The following STARD3NL variants were observed in gnomAD, a reference collection of about 807,000 sequenced individuals.
The protein encoded by STARD3NL is STARD3 N-terminal-like protein.
A neutral mutation model predicts 30.9 loss-of-function variants in STARD3NL; 17 were observed. That is an observed-to-expected ratio of 0.55 (90% CI 0.38 to 0.82). The LOEUF (loss-of-function observed/expected upper bound fraction) is 0.82, where lower values mean the gene tolerates loss of function less well. STARD3NL is among the 40% of genes least tolerant of loss of function. The pLI is 0.00. For synonymous variants in STARD3NL, 112 were observed against 100.5 expected, an observed-to-expected ratio of 1.11 and a Z score of -0.69; for missense variants, 234 against 277.6, an observed-to-expected ratio of 0.84 and a Z score of 1.12.
chr7:38,178,954 A>G (rs1355259867), intron 1 of STARD3NL: 1 of 151,780 alleles, frequency 6.6e-6, no homozygotes, highest in Non-Finnish European at 1.5e-5. Context: ...ATATCTCGCC[A>G]TTGTTTGAAA....
chr7:38,186,428 T>C (rs1229731398), intron 1 of STARD3NL, among the ~76,000 whole-genome samples: 1 of 152,200 alleles, frequency 6.6e-6, no homozygotes, highest in Non-Finnish European at 1.5e-5. Context: ...AGTGACCTTA[T>C]TAGTCTCCTA....
At chr7:38,225,482 G>T (rs1378763722) in intron 7 of STARD3NL, among the ~76,000 whole-genome samples, 1 of 152,090 alleles carries the variant, frequency 6.6e-6, no homozygotes, top group Non-Finnish European at 1.5e-5. Flanking sequence ...TTTCAATTAA[G>T]ATTACAATAC....
intron 2 of STARD3NL, among the ~76,000 whole-genome samples, chr7:38,213,907 G>A (rs1785950718): frequency 6.6e-6 from 1 of 152,208 alleles, no homozygotes; most frequent in Non-Finnish European, 1.5e-5. Context: ...TCTATCCTGT[G>A]TCATGCTAAT....
At position 38,185,401 on chromosome 7, in the gene STARD3NL, A is replaced by G. The variant is rs111354793; in HGVS notation, c.-59+6981A>G. On this transcript the variant is annotated intron_variant, in intron 1 of 8. Transcript: ENST00000009041. ...TATATCACATCATAGGAGATAACAT[A>G]TGTAACTTCTGCCTGTTGATAGATA... 2.6e-3 allele frequency among the ~76,000 whole-genome samples: 395 copies of G among 152,278 alleles called. 4 individuals are homozygous for G. Among genetic ancestry groups the G allele is most frequent in the African/African-American group, 9.1e-3 (379 of 41,554 alleles).
Position 38,178,372 on chromosome 7 carries a change from G to C in STARD3NL, c.-107G>C, listed in dbSNP as rs1440370318. On this transcript the variant is annotated 5_prime_UTR_variant, in exon 1 of 9. Coordinates refer to ENST00000009041, the MANE Select transcript of STARD3NL (RefSeq NM_032016.4). ...CAGGCCGGGGCGCGACCGCGGATCC[G>C]CAGTTCCCGGGCCAGCCTGGGGCGG... 1 of 152,192 alleles carries C rather than the reference G, an allele frequency of 6.6e-6. No individual in the cohort carries two copies. The highest frequency in any genetic ancestry group is 1.5e-5 in the Non-Finnish European group (1 of 68,044). The allele number at this position is 152,192 out of a possible 1,614,324, so 9.4% of individuals were successfully genotyped here. A position where few individuals can be genotyped will look rare whatever the true frequency, so the allele number is the denominator to read the frequency against.
chr7:38,230,538 T>C lies in STARD3NL; in HGVS notation c.*633T>C, dbSNP rs1787040558. On this transcript the variant is annotated 3_prime_UTR_variant, in exon 9 of 9. Transcript: ENST00000009041. ...CCAGACATTTGTATTATTTTTATCA[T>C]GAAATCATGTTTTTCTCTGATTGTT... The C allele has an allele frequency of 6.6e-6, 1 of 152,278 alleles. No homozygotes were observed. The highest frequency in any genetic ancestry group is 1.5e-5 in the Non-Finnish European group (1 of 68,050). The allele number at this position is 152,278 out of a possible 1,614,324, so 9.4% of individuals were successfully genotyped here.
chr7:38,182,471 G>C (rs568057342), intron 1 of STARD3NL, among the ~76,000 whole-genome samples: 4 of 152,180 alleles, frequency 2.6e-5, no homozygotes, highest in Non-Finnish European at 5.9e-5. Flanking sequence ...CTAGCCCTGT[G>C]TTACTTGCAG....
At chr7:38,216,953 C>G in intron 4 of STARD3NL, 72 bp from the exon 5 acceptor site, 1 of 1,568,566 alleles carries the variant, frequency 6.4e-7, no homozygotes, top group Admixed American at 1.7e-5. Flanking sequence ...AGACGGGTCT[C>G]TTGTGAAGAG....
chr7:38,183,679 G>A (rs10233340), intron 1 of STARD3NL, among the ~76,000 whole-genome samples: 64,479 of 151,980 alleles, frequency 0.42, 14,037 homozygotes, highest in East Asian at 0.5. Flanking sequence ...CATTGTAAAT[G>A]AAATTAACTG....
chr7:38,221,139 A>C (rs922133106), intron 7 of STARD3NL, among the ~76,000 whole-genome samples: 3 of 152,214 alleles, frequency 2.0e-5, no homozygotes, highest in African/African-American at 7.2e-5. Flanking sequence ...GCATAGATGA[A>C]CTGAATGCAC....
At chr7:38,192,256 T>A (rs570612383) in intron 1 of STARD3NL, among the ~76,000 whole-genome samples, 1 of 152,042 alleles carries the variant, frequency 6.6e-6, no homozygotes, top group East Asian at 1.9e-4. Context: ...CACAAAATCA[T>A]AAAAGTGAGC....
At chr7:38,191,869 G>A (rs1316085283) in intron 1 of STARD3NL, among the ~76,000 whole-genome samples, 1 of 150,936 alleles carries the variant, frequency 6.6e-6, no homozygotes, top group African/African-American at 2.4e-5. Flanking sequence ...TTATTTCTTT[G>A]CATTTTGTAT....
At chr7:38,219,247 A>G (rs928840436) in intron 6 of STARD3NL, among the ~76,000 whole-genome samples, 3 of 152,076 alleles carry the variant, frequency 2.0e-5, no homozygotes, top group African/African-American at 4.8e-5. Context: ...GGGTCTTGCT[A>G]TGTTGCCCAG....
At chr7:38,193,116 A>C (rs770698994) in intron 1 of STARD3NL, among the ~76,000 whole-genome samples, 1 of 152,186 alleles carries the variant, frequency 6.6e-6, no homozygotes, top group Non-Finnish European at 1.5e-5. Flanking sequence ...AAATTATGCA[A>C]GTTCCCCCTG....
chr7:38,219,720 T>C (rs1166907951), intron 7 of STARD3NL, 60 bp downstream of exon 7: 1 of 1,388,832 alleles, frequency 7.2e-7, no homozygotes, highest in East Asian at 2.3e-5. Context: ...TGCTCTTCCT[T>C]CCTTTCCCTA....
intron 1 of STARD3NL, among the ~76,000 whole-genome samples, chr7:38,185,538 C>G (rs539741082): frequency 3.6e-4 from 55 of 152,318 alleles, no homozygotes; most frequent in African/African-American, 1.3e-3. Flanking sequence ...TCTTCCCTAG[C>G]ATTGCTGTTA....
At chr7:38,207,225 T>A (rs1004600023) in intron 1 of STARD3NL, among the ~76,000 whole-genome samples, 2 of 152,216 alleles carry the variant, frequency 1.3e-5, no homozygotes, top group African/African-American at 4.8e-5. Flanking sequence ...GTTTGCTTCT[T>A]CTCTCTTGCC....
At chr7:38,188,439 TC>T (rs1784551165) in intron 1 of STARD3NL, among the ~76,000 whole-genome samples, 1 of 152,168 alleles carries the variant, frequency 6.6e-6, no homozygotes, top group Non-Finnish European at 1.5e-5. Context: ...TCTCGACCCC[TC>T]AGTTTAAAAT....
At chr7:38,189,455 A>G (rs1784594823) in intron 1 of STARD3NL, among the ~76,000 whole-genome samples, 1 of 152,174 alleles carries the variant, frequency 6.6e-6, no homozygotes, top group African/African-American at 2.4e-5. Context: ...GGTGCTTTGT[A>G]AAAGATCTGT....
Sources: allele counts gnomAD v4.1 joint callset (sites outside exome capture counted in the v4.1 genomes callset), GRCh38; gene constraint gnomAD v4.1.1; transcripts MANE v1.5; gene names NCBI Gene and HGNC (gene_info 2026-07-23, HGNC 2026-07-21).